Variants in TUT7 observed in about 807,000 individuals in gnomAD.
TUT7 encodes terminal uridylyl transferase 7.
In TUT7, 33 loss-of-function variants were observed where a neutral mutation model predicts 165.9. The ratio of observed to expected loss-of-function variants is 0.20; its 90% CI spans 0.15 to 0.27. The LOEUF (loss-of-function observed/expected upper bound fraction) is 0.27, where lower values mean the gene tolerates loss of function less well. Among genes scored for constraint, TUT7 ranks in the 10% least tolerant of loss-of-function variants. TUT7 has a pLI of 1.00. For synonymous variants in TUT7, 552 were observed against 608.1 expected (o/e 0.91, Z 1.36); for missense variants, 1,338 against 1,762.3 (o/e 0.76, Z 4.31).
intron 24 of TUT7, among the ~76,000 whole-genome samples, chr9:86,303,798 G>C (rs1377266190): frequency 6.6e-6 from 1 of 152,180 alleles, no homozygotes; most frequent in African/African-American, 2.4e-5. Context: ...TAGACCTGCT[G>C]AATCAGAATC....
chr9:86,298,765 A>G (rs762843907), intron 26 of TUT7: 5 of 984,384 alleles, frequency 5.1e-6, no homozygotes, highest in Non-Finnish European at 6.0e-6. Flanking sequence ...AAACCCACAT[A>G]CCTGACTGGG....
At position 86,322,929 on chromosome 9, in the gene TUT7, C is replaced by T. The variant is rs771345012; in HGVS notation, c.2821G>A (p.Val941Met). The T allele has an allele frequency of 3.8e-6, 6 of 1,565,952 alleles. No individual in the cohort carries two copies. Among genetic ancestry groups the T allele is most frequent in the Non-Finnish European group, 4.3e-6 (5 of 1,159,098 alleles). ...ENVCEEKNSP[V>M]DQSDFFYEFS... ...TCATAAAAAAAATCAGACTGATCCA[C>T]AGGTGAATTTTTTTCTTCACATACA... The change falls in exon 13 of 27, where the codon GTG becomes ATG. Residue 941 changes from valine to methionine, a missense_variant. By Grantham distance (21) the Val-to-Met change is conservative (BLOSUM62 1). Coordinates refer to ENST00000375963, the MANE Select transcript of TUT7 (RefSeq NM_024617.4).
intron 10 of TUT7, among the ~76,000 whole-genome samples, chr9:86,332,279 G>T (rs572586464): frequency 1.3e-5 from 2 of 152,110 alleles, no homozygotes; most frequent in Non-Finnish European, 2.9e-5. Context: ...CAAAGACGTG[G>T]AATCAACCTA....
At chr9:86,353,759 C>A (rs1303014386) in intron 1 of TUT7, among the ~76,000 whole-genome samples, 1 of 152,158 alleles carries the variant, frequency 6.6e-6, no homozygotes, top group Non-Finnish European at 1.5e-5. Flanking sequence ...GCTTTGAGCG[C>A]TTAGGTTACG....
At chr9:86,319,488 A>G (rs1829028194) in intron 15 of TUT7, 96 bp downstream of exon 15, 1 of 865,458 alleles carries the variant, frequency 1.2e-6, no homozygotes, top group African/African-American at 1.7e-5. Context: ...AACAATGGAA[A>G]TCCTGATTCT....
intron 14 of TUT7, among the ~76,000 whole-genome samples, chr9:86,321,388 T>C (rs189010501): frequency 9.6e-4 from 144 of 150,596 alleles, no homozygotes; most frequent in Non-Finnish European, 1.8e-3. Context: ...CTTGGCAGAG[T>C]AATGGAAAAT....
chr9:86,317,822 T>C (rs1828866425), intron 16 of TUT7, among the ~76,000 whole-genome samples: 2 of 152,168 alleles, frequency 1.3e-5, no homozygotes, highest in South Asian at 4.1e-4. Flanking sequence ...TTAAAAACAT[T>C]TGGGCTGACT....
intron 12 of TUT7, chr9:86,324,258 G>A (rs142496837): frequency 2.2e-4 from 41 of 184,454 alleles, no homozygotes; most frequent in Non-Finnish European, 3.4e-4. Flanking sequence ...TGTTATCAGC[G>A]TGGCTCTCAG....
At chr9:86,320,257 CA>C (rs10656642) in intron 14 of TUT7, among the ~76,000 whole-genome samples, 3,097 of 112,304 alleles carry the variant, frequency 0.028, 78 homozygotes, top group African/African-American at 0.087. Context: ...AAAAATTTCC[CA>C]AAAAAAAAAA....
chr9:86,304,626 A>T (rs1385501833), intron 24 of TUT7, among the ~76,000 whole-genome samples: 1 of 152,182 alleles, frequency 6.6e-6, no homozygotes, highest in Non-Finnish European at 1.5e-5. Flanking sequence ...AGAGGAAAAC[A>T]AGAATTTAAC....
chr9:86,301,451 A>C lies in TUT7; in HGVS notation c.4245T>G (p.Pro1415=). ...CTGCCCGCATTGGCTTGGCTTTCTG[A>C]GGTGTGCACTGTATGGGCTTATCTT... is the stretch of plus-strand genomic sequence containing the variant. The part of the protein sequence containing the change: ...TKEDKPIQCT[P]QKAKPMRAAA... Residue 1415 remains proline, a synonymous_variant, in exon 26 of 27, where the codon CCT becomes CCG. Transcript: ENST00000375963. 6.2e-7 allele frequency: 1 copy of C among 1,614,024 alleles called. No homozygotes were observed. Among genetic ancestry groups the C allele is most frequent in the Non-Finnish European group, 8.5e-7 (1 of 1,180,012 alleles).
intron 26 of TUT7, among the ~76,000 whole-genome samples, chr9:86,300,816 G>A (rs568071827): frequency 6.6e-6 from 1 of 152,314 alleles, no homozygotes; most frequent in South Asian, 2.1e-4. Flanking sequence ...TGCTAACTAT[G>A]CAGCCTATTT....
chr9:86,317,091 C>A, intron 17 of TUT7, 128 bp downstream of exon 17: 1 of 710,908 alleles, frequency 1.4e-6, no homozygotes, highest in South Asian at 1.9e-5. Flanking sequence ...TTTTTATCTG[C>A]TGGGGAAGGG....
At chr9:86,343,708 G>A (rs991417585) in intron 5 of TUT7, among the ~76,000 whole-genome samples, 5 of 152,050 alleles carry the variant, frequency 3.3e-5, no homozygotes, top group South Asian at 2.1e-4. Flanking sequence ...AACAAAAAGC[G>A]TTTGCTGTAA....
intron 24 of TUT7, 131 bp downstream of exon 24, chr9:86,304,725 T>G: frequency 1.8e-6 from 1 of 571,060 alleles, no homozygotes; most frequent in Non-Finnish European, 3.0e-6. Flanking sequence ...CTGGGAATCA[T>G]TCTGTACAAT....
At chr9:86,308,303 A>T in intron 22 of TUT7, 126 bp downstream of exon 22, 1 of 780,922 alleles carries the variant, frequency 1.3e-6, no homozygotes, top group Non-Finnish European at 1.9e-6. Context: ...TTGGCCTGGT[A>T]TGGACAATGA....
intron 26 of TUT7, among the ~76,000 whole-genome samples, chr9:86,296,164 TTAAG>T (rs976282499): frequency 8.6e-4 from 131 of 152,330 alleles, no homozygotes; most frequent in African/African-American, 3.1e-3. Context: ...GGATGCTGTG[TTAAG>T]TGCTTTATCT....
chr9:86,295,681 G>A (rs1387017496), intron 26 of TUT7, among the ~76,000 whole-genome samples: 6 of 151,912 alleles, frequency 3.9e-5, no homozygotes, highest in South Asian at 4.2e-4. Flanking sequence ...ACTGGTTTTC[G>A]TTTTTTAAAA....
At chr9:86,337,617 A>C in intron 9 of TUT7, 79 bp from the exon 10 acceptor site, 3 of 1,481,278 alleles carry the variant, frequency 2.0e-6, no homozygotes, top group South Asian at 2.6e-5. Context: ...AAAACCTGTA[A>C]CCTCATTCTT....
Sources: allele counts gnomAD v4.1 joint callset (sites outside exome capture counted in the v4.1 genomes callset), GRCh38; gene constraint gnomAD v4.1.1; transcripts MANE v1.5; gene names NCBI Gene and HGNC (gene_info 2026-07-23, HGNC 2026-07-21).